NUP93: variants seen among roughly 807,000 people sequenced by gnomAD.
The protein encoded by NUP93 is nucleoporin 93.
A neutral mutation model predicts 107.8 loss-of-function variants in NUP93; 55 were observed. That is an observed-to-expected ratio of 0.51 (90% CI 0.41 to 0.64). The LOEUF is 0.64. Ranked by LOEUF, NUP93 falls within the 30% of genes least tolerant of loss-of-function variation. NUP93 has a pLI of 0.00. For missense variants in NUP93, 937 were observed against 1,044.7 expected (o/e 0.90, Z 1.42); for synonymous variants, 390 against 397.5 (o/e 0.98, Z 0.22).
chr16:56,738,917 T>C (rs1386609485), intron 1 of NUP93, among the ~76,000 whole-genome samples: 7 of 151,510 alleles, frequency 4.6e-5, no homozygotes, highest in African/African-American at 1.7e-4. Context: ...GAGGGCAGAG[T>C]TTCTGCTTAA....
chr16:56,844,455 C>G (rs758934535), intron 21 of NUP93, 44 bp from the exon 22 acceptor site: 2 of 1,219,958 alleles, frequency 1.6e-6, no homozygotes, highest in East Asian at 5.5e-5. Context: ...TGCCCTGACT[C>G]GAAAGTTAAC....
intron 4 of NUP93, 58 bp from the exon 5 acceptor site, chr16:56,805,446 A>C (rs2144572829): frequency 6.2e-7 from 1 of 1,603,772 alleles, no homozygotes; most frequent in East Asian, 2.2e-5. Flanking sequence ...TTGGGTCTTA[A>C]ACCATGTTTT....
At chr16:56,764,012 T>TA (rs1469721189) in intron 3 of NUP93, among the ~76,000 whole-genome samples, 1 of 152,230 alleles carries the variant, frequency 6.6e-6, no homozygotes, top group East Asian at 1.9e-4. Flanking sequence ...CTATATATCA[T>TA]ATGTAAGACT....
chr16:56,809,668 G>A (rs1228334637), intron 5 of NUP93, among the ~76,000 whole-genome samples: 1 of 152,144 alleles, frequency 6.6e-6, no homozygotes, highest in Non-Finnish European at 1.5e-5. Context: ...TCTAGGTCAA[G>A]GATAGGTAGG....
chr16:56,811,906 A>G (rs1310567667), intron 5 of NUP93, among the ~76,000 whole-genome samples: 1 of 152,212 alleles, frequency 6.6e-6, no homozygotes, highest in East Asian at 1.9e-4. Flanking sequence ...ATTTGGTAAG[A>G]TACACATTTT....
rs1430722800 is a variant in NUP93 at position 56,827,069 on chromosome 16, A to AAAAAAAAAAAAAAAAAAAAAT, written c.795-1908_795-1907insAAAAAAAAAAAAAAAAAAAAT. Reference sequence around the variant, plus strand: ...CAAAAAAAAAAAAAAAAAAAAAAAAATTTTGTTGAGTCTGTTTCCTGTTAT... The same window carrying AAAAAAAAAAAAAAAAAAAAAT: ...CAAAAAAAAAAAAAAAAAAAAAAAAAAAAAAAAAAAAAAAAAAAAATTTTTGTTGAGTCTGTTTCCTGTTAT... On this transcript the variant is annotated intron_variant, in intron 8 of 21. Transcript: ENST00000308159. 8.9e-4 allele frequency among the ~76,000 whole-genome samples: 112 copies of AAAAAAAAAAAAAAAAAAAAAT among 125,644 alleles called. 9 individuals carry two copies. The highest frequency in any genetic ancestry group is 1.5e-3 in the Non-Finnish European group (89 of 59,008). The allele number at this position is 125,644 out of a possible 152,430, so 82.4% of individuals were successfully genotyped here. A position where few individuals can be genotyped will look rare whatever the true frequency, so the allele number is the denominator to read the frequency against.
chr16:56,831,761 T>A (rs1333582027), intron 10 of NUP93, 81 bp from the exon 11 acceptor site: 36 of 1,433,416 alleles, frequency 2.5e-5, no homozygotes, highest in Non-Finnish European at 3.5e-5. Flanking sequence ...TTTTATGTGT[T>A]TGGGACCTGG....
At chr16:56,744,455 T>G (rs1229962855) in intron 1 of NUP93, among the ~76,000 whole-genome samples, 3 of 152,216 alleles carry the variant, frequency 2.0e-5, no homozygotes, top group African/African-American at 7.2e-5. Context: ...TAGATTTAAT[T>G]GCACAATGAT....
intron 1 of NUP93, among the ~76,000 whole-genome samples, chr16:56,740,301 T>C (rs1961704808): frequency 7.1e-6 from 1 of 141,756 alleles, no homozygotes. Context: ...GTCTCCTCAC[T>C]TCTCAGACGG....
intron 5 of NUP93, among the ~76,000 whole-genome samples, chr16:56,807,666 A>G (rs563992425): frequency 2.0e-5 from 3 of 152,292 alleles, no homozygotes; most frequent in Admixed American, 6.5e-5. Flanking sequence ...GCCAGTGTTA[A>G]TTGACTGACA....
rs1360545059 is a variant in NUP93, at chr16:56,748,202, A to G, written c.-14-32A>G. 5 of 1,468,786 alleles carry G rather than the reference A, an allele frequency of 3.4e-6. No individual in the cohort carries two copies. In the African/African-American group the frequency reaches 7.0e-5, roughly 21 times the overall value. 91.0% of individuals were successfully genotyped at this position (1,468,786 alleles called of 1,614,324 possible). ...GTGTTTGAAACCTGTCTTTCCCTTG[A>G]TTTAGATCTTTTCATTTTTTCTCCC... On this transcript the variant is annotated intron_variant, in intron 1 of 21. Transcript: ENST00000308159.
chr16:56,847,263 A>G lies in NUP93; in HGVS notation c.*2654A>G, dbSNP rs143970824. On this transcript the variant is annotated 3_prime_UTR_variant, in exon 22 of 22. Transcript: ENST00000308159. ...AACAGGCTGAATTTGCAAGGCCACA[A>G]CATCAGGTTGTCATGTACCCATCAT... 3.9e-5 allele frequency: 6 copies of G among 152,370 alleles called. No homozygotes were observed. Among genetic ancestry groups the G allele is most frequent in the African/African-American group, 1.2e-4 (5 of 41,576 alleles). 9.4% of individuals were successfully genotyped at this position (152,370 alleles called of 1,614,324 possible).
At chr16:56,739,694 C>T (rs1382339698) in intron 1 of NUP93, among the ~76,000 whole-genome samples, 7 of 136,038 alleles carry the variant, frequency 5.1e-5, no homozygotes, top group African/African-American at 1.1e-4. Context: ...ACCTCCCTCC[C>T]GGACGGGGCG....
In NUP93 at chr16:56,771,642, A is replaced by G. The variant is rs114732680; in HGVS notation, c.297+12987A>G. On this transcript the variant is annotated intron_variant, in intron 3 of 21. Transcript: ENST00000308159. ...TAGAGATGGAAATGCTACTTAGAAG[A>G]GTAATTTGGCGTGATTGGCTTCTGT... Among the ~76,000 whole-genome samples the G allele has an allele frequency of 5.7e-3, 871 of 152,316 alleles. 13 individuals carry two copies. Among genetic ancestry groups the G allele is most frequent in the African/African-American group, 0.02 (823 of 41,564 alleles).
At chr16:56,738,893 G>T (rs12443742) in intron 1 of NUP93, among the ~76,000 whole-genome samples, 47,365 of 150,148 alleles carry the variant, frequency 0.32, 7,825 homozygotes, top group East Asian at 0.46. Flanking sequence ...GTCATAGTCT[G>T]ATTAATAAGG....
intron 3 of NUP93, among the ~76,000 whole-genome samples, chr16:56,774,492 CCTT>C (rs1962377002): frequency 6.8e-6 from 1 of 146,664 alleles, no homozygotes. Context: ...TTTTACTTTT[CCTT>C]AGCTGCTAGT....
At chr16:56,764,980 A>G (rs539014999) in intron 3 of NUP93, among the ~76,000 whole-genome samples, 9 of 152,348 alleles carry the variant, frequency 5.9e-5, no homozygotes, top group Admixed American at 5.9e-4. Context: ...AATCCGAGGA[A>G]GAGATGAAGT....
At chr16:56,792,264 C>T (rs1006406321) in intron 3 of NUP93, among the ~76,000 whole-genome samples, 1 of 152,158 alleles carries the variant, frequency 6.6e-6, no homozygotes, top group Admixed American at 6.5e-5. Flanking sequence ...TTTTGAAAAC[C>T]ACTGTTCTAA....
chr16:56,747,230 C>T (rs1961835293), intron 1 of NUP93, among the ~76,000 whole-genome samples: 1 of 152,148 alleles, frequency 6.6e-6, no homozygotes, highest in Non-Finnish European at 1.5e-5. Flanking sequence ...GAACTCCTGA[C>T]CTCAGGCGAT....
Sources: allele counts gnomAD v4.1 joint callset (sites outside exome capture counted in the v4.1 genomes callset), GRCh38; gene constraint gnomAD v4.1.1; transcripts MANE v1.5; gene names NCBI Gene and HGNC (gene_info 2026-07-23, HGNC 2026-07-21).